Variants in PCNX4 observed in about 807,000 individuals in gnomAD.
PCNX4 encodes the protein pecanex 4.
A neutral mutation model predicts 107.2 loss-of-function variants in PCNX4; 103 were observed. The ratio of observed to expected loss-of-function variants is 0.96; its 90% CI spans 0.82 to 1.13. PCNX4 has a LOEUF of 1.13. Ranked by LOEUF, PCNX4 falls within the 50% of genes most tolerant of loss-of-function variation. PCNX4 has a pLI of 0.00. For missense variants in PCNX4, 1,528 were observed against 1,379.4 expected (o/e 1.11, Z -1.71); for synonymous variants, 541 against 481.7 (o/e 1.12, Z -1.61).
intron 10 of PCNX4, among the ~76,000 whole-genome samples, chr14:60,132,583 G>C (rs992592782): frequency 6.6e-6 from 1 of 151,812 alleles, no homozygotes; most frequent in African/African-American, 2.4e-5. Context: ...AAAAGCATGA[G>C]AAACAAAAGA....
rs138078436 is a variant in PCNX4 at position 60,096,423 on chromosome 14, A to G, written c.-54+4004A>G. ...ATCTTCAGTACCTATCTGTGGTACA[A>G]AGATTGAAGCTAAGTGGTCATACCA... is the stretch of plus-strand genomic sequence containing the variant. On this transcript the variant is annotated intron_variant, in intron 1 of 10. Transcript: ENST00000406854. Among the ~76,000 whole-genome samples the G allele has an allele frequency of 4.5e-3, 682 of 152,344 alleles. 7 individuals carry two copies. The highest frequency in any genetic ancestry group is 0.016 in the African/African-American group (647 of 41,588).
Position 60,124,479 on chromosome 14 carries a change from C to G in PCNX4, c.2308C>G (p.Gln770Glu). ...TAAAGTACTTGTGTGGATACTTGTT[C>G]AATACTGCTCCAAAAGGCCTGGCAT... ...LIKVLVWILV[Q>E]YCSKRPGMKE... The change falls in exon 9 of 11, where the codon CAA becomes GAA. Residue 770 changes from glutamine (Q) to glutamate (E), a missense_variant. Coordinates refer to ENST00000406854, the MANE Select transcript of PCNX4 (RefSeq NM_001330177.2). The G allele has an allele frequency of 6.2e-7, 1 of 1,613,662 alleles. No homozygotes were observed. The highest frequency in any genetic ancestry group is 1.3e-5 in the African/African-American group (1 of 74,992).
In PCNX4 at chr14:60,118,561, C is replaced by T; in HGVS notation, c.1811C>T (p.Pro604Leu). ...FTLPVFLVGFPRPIQSWPGAA... is the reference protein window; with the variant it reads ...FTLPVFLVGFLRPIQSWPGAA... ...CTTCCTGTGTTCTTGGTGGGGTTTC[C>T]CCGACCTATTCAGAGTTGGCCAGGA... is the stretch of plus-strand genomic sequence containing the variant. Residue 604 changes from proline (P) to leucine (L), a missense_variant, in exon 7 of 11, where the codon CCC becomes CTC. Pro to Leu is a moderately conservative substitution (Grantham distance 98). Transcript: ENST00000406854. 6.2e-7 allele frequency: 1 copy of T among 1,613,740 alleles called. No homozygotes were observed. The highest frequency in any genetic ancestry group is 8.5e-7 in the Non-Finnish European group (1 of 1,179,840).
intron 1 of PCNX4, among the ~76,000 whole-genome samples, chr14:60,097,094 T>G (rs903902131): frequency 6.6e-6 from 1 of 152,212 alleles, no homozygotes; most frequent in African/African-American, 2.4e-5. Context: ...AAATAAGTTG[T>G]GCTTCCTTAA....
In PCNX4 at chr14:60,146,407, A is replaced by G. The variant is rs1896408004; in HGVS notation, c.*12186A>G. 1 of 152,248 alleles carries G rather than the reference A, an allele frequency of 6.6e-6. No individual in the cohort carries two copies. The highest frequency in any genetic ancestry group is 6.5e-5 in the Admixed American group (1 of 15,296). 9.4% of individuals were successfully genotyped at this position (152,248 alleles called of 1,614,324 possible). ...TTGAAAAAAAAATCACTTCTATAAT[A>G]TATTCTTTCTCTGCCCTATTATTTA... On this transcript the variant is annotated 3_prime_UTR_variant, in exon 11 of 11. Coordinates refer to ENST00000406854, the MANE Select transcript of PCNX4 (RefSeq NM_001330177.2). The surrounding 1 kb of genome is among the most constrained non-coding windows in gnomAD (Gnocchi z 4.9).
intron 10 of PCNX4, among the ~76,000 whole-genome samples, chr14:60,130,173 T>TA (rs1390977474): frequency 6.6e-5 from 10 of 151,500 alleles, no homozygotes; most frequent in Non-Finnish European, 1.5e-5. Flanking sequence ...CCTTGTCTCT[T>TA]AAAAAAAATA....
At chr14:60,111,532 T>C (rs957169845) in intron 2 of PCNX4, among the ~76,000 whole-genome samples, 1 of 152,188 alleles carries the variant, frequency 6.6e-6, no homozygotes, top group Non-Finnish European at 1.5e-5. Flanking sequence ...TATTTAAATT[T>C]ATAAGGTGGT....
At position 60,116,048 on chromosome 14, in the gene PCNX4, CA is replaced by C; in HGVS notation, c.1567del (p.Arg523AspfsTer12). ...WWNRSLDTGL[R>X]LLLVGIIRDR... ...GGAACAGAAGCCTGGATACAGGACT[CA>C]GACTCTTACTGGTAAGTGTGTCTTT... On this transcript the variant is annotated frameshift_variant, in exon 6 of 11. Coordinates refer to ENST00000406854, the MANE Select transcript of PCNX4 (RefSeq NM_001330177.2). LOFTEE classifies it high-confidence loss of function. 6.2e-7 allele frequency: 1 copy of C among 1,606,714 alleles called. No individual in the cohort carries two copies. Among genetic ancestry groups the C allele is most frequent in the Non-Finnish European group, 8.5e-7 (1 of 1,177,052 alleles).
At chr14:60,122,264 T>G (rs1052810335) in intron 8 of PCNX4, among the ~76,000 whole-genome samples, 2 of 152,134 alleles carry the variant, frequency 1.3e-5, no homozygotes, top group African/African-American at 4.8e-5. Context: ...GCCAGAATGA[T>G]CTTTAAAATC....
chr14:60,102,092 A>G (rs1175249546), intron 1 of PCNX4, among the ~76,000 whole-genome samples: 3 of 152,200 alleles, frequency 2.0e-5, no homozygotes, highest in African/African-American at 4.8e-5. Flanking sequence ...GGGAGTTGCT[A>G]TTCAACAGGT....
chr14:60,111,374 T>G (rs1895738017), intron 2 of PCNX4, among the ~76,000 whole-genome samples: 1 of 152,228 alleles, frequency 6.6e-6, no homozygotes, highest in Non-Finnish European at 1.5e-5. Flanking sequence ...AGGGGAGGAT[T>G]AATCAACAGG....
chr14:60,131,651 G>T, intron 10 of PCNX4, among the ~76,000 whole-genome samples: 1 of 152,160 alleles, frequency 6.6e-6, no homozygotes, highest in East Asian at 1.9e-4. Flanking sequence ...ATTCAACACA[G>T]TCCTTTTCAG....
chr14:60,131,929 C>G (rs978902235), intron 10 of PCNX4, among the ~76,000 whole-genome samples: 1 of 152,190 alleles, frequency 6.6e-6, no homozygotes, highest in Non-Finnish European at 1.5e-5. Flanking sequence ...GATGCCAAGA[C>G]CATTCACTGG....
intron 1 of PCNX4, among the ~76,000 whole-genome samples, chr14:60,100,575 A>G (rs1895511262): frequency 6.6e-6 from 1 of 152,208 alleles, no homozygotes; most frequent in Admixed American, 6.5e-5. Context: ...CTGGGATTAC[A>G]GGCATGAGCC....
chr14:60,117,048 AAAG>A (rs1336662178), intron 6 of PCNX4, among the ~76,000 whole-genome samples: 2 of 152,156 alleles, frequency 1.3e-5, no homozygotes, highest in African/African-American at 2.4e-5. Context: ...AAAAAGTAAA[AAAG>A]AAAGTATAAA....
In PCNX4 at chr14:60,125,042, A is replaced by C; in HGVS notation, c.2871A>C (p.Val957=). 1 of 1,613,754 alleles carries C rather than the reference A, an allele frequency of 6.2e-7. No individual in the cohort carries two copies. The highest frequency in any genetic ancestry group is 8.5e-7 in the Non-Finnish European group (1 of 1,179,752). The change falls in exon 9 of 11, where the codon GTA becomes GTC. Residue 957 remains valine (V), a synonymous_variant. Transcript: ENST00000406854. The part of the protein sequence containing the change: ...CYHSEEKASN[V]LEEIAKDKVL... The stretch of plus-strand genomic sequence containing the variant: ...ATTCAGAAGAGAAGGCCTCAAATGT[A>C]CTGGAAGAAATTGCCAAGGACAAAG...
At position 60,142,897 on chromosome 14, in the gene PCNX4, G is replaced by C. The variant is rs527748096; in HGVS notation, c.*8676G>C. ...GAGGATCGCTTGAACCCAGGAGGCA[G>C]AGATTGCGGTGAACTGAGATAGTGC... On this transcript the variant is annotated 3_prime_UTR_variant, in exon 11 of 11. Transcript: ENST00000406854. This position sits in a 1 kb window ranked among gnomAD's most constrained non-coding sequence, Gnocchi z 4.7. 23 of 152,384 alleles carry C rather than the reference G, an allele frequency of 1.5e-4. No individual in the cohort carries two copies. Among genetic ancestry groups the C allele is most frequent in the African/African-American group, 5.5e-4 (23 of 41,538 alleles). The allele number at this position is 152,384 out of a possible 1,614,324, so 9.4% of individuals were successfully genotyped here. A position where few individuals can be genotyped will look rare whatever the true frequency, so the allele number is the denominator to read the frequency against.
chr14:60,124,266 G>C lies in PCNX4; in HGVS notation c.2095G>C (p.Val699Leu), dbSNP rs1232143629. 2 of 1,604,542 alleles carry C rather than the reference G, an allele frequency of 1.2e-6. No homozygotes were observed. The highest frequency in any genetic ancestry group is 1.7e-6 in the Non-Finnish European group (2 of 1,174,902). Residue 699 changes from valine (V) to leucine (L), a missense_variant, in exon 9 of 11, where the codon GTT becomes CTT. Transcript: ENST00000406854. ...CTGTCATACTGCAGAAGCTCGCAGAGTTGATGAAGTTTTTGAAGATGCTTT... is the reference window on the plus strand; with the variant it reads ...CTGTCATACTGCAGAAGCTCGCAGACTTGATGAAGTTTTTGAAGATGCTTT... ...TSCHTAEARR[V>L]DEVFEDAFEQ... is the part of the protein sequence containing the mutation.
intron 8 of PCNX4, among the ~76,000 whole-genome samples, chr14:60,123,352 A>G (rs1274195685): frequency 1.3e-5 from 2 of 152,086 alleles, no homozygotes; most frequent in African/African-American, 2.4e-5. Context: ...CTTCACAACC[A>G]TATACACTAG....
Sources: allele counts gnomAD v4.1 joint callset (sites outside exome capture counted in the v4.1 genomes callset), GRCh38; gene constraint gnomAD v4.1.1; non-coding constraint Gnocchi (gnomAD v3.1); transcripts MANE v1.5; gene names NCBI Gene and HGNC (gene_info 2026-07-23, HGNC 2026-07-21).